DNAH3: variants seen among roughly 807,000 people sequenced by gnomAD.
The protein encoded by DNAH3 is axonemal beta dynein heavy chain 3.
Under a neutral mutation model 432.5 loss-of-function variants are expected in DNAH3, and 332 were observed. The observed-to-expected ratio is 0.77, with a 90% CI of 0.70 to 0.84. The LOEUF (loss-of-function observed/expected upper bound fraction) is 0.84. Among genes scored for constraint, DNAH3 ranks in the 40% least tolerant of loss-of-function variants. The pLI is 0.00. For missense variants in DNAH3, 4,861 were observed against 5,114.0 expected, an observed-to-expected ratio of 0.95 and a Z score of 1.51; for synonymous variants, 1,956 against 1,900.2, an observed-to-expected ratio of 1.03 and a Z score of -0.76.
At chr16:21,105,488 A>G (rs4783522) in intron 15 of DNAH3, among the ~76,000 whole-genome samples, 42,741 of 152,164 alleles carry the variant, frequency 0.28, 6,132 homozygotes, top group African/African-American at 0.33. Context: ...ATGGGCGGCC[A>G]GGGGCTGTGG....
At chr16:20,999,515 T>C (rs1395251653) in intron 43 of DNAH3, among the ~76,000 whole-genome samples, 1 of 152,184 alleles carries the variant, frequency 6.6e-6, no homozygotes, top group Admixed American at 6.5e-5. Context: ...GGGGCATTAC[T>C]ATTGCTAGAT....
At chr16:21,043,954 C>T (rs1357957811) in intron 31 of DNAH3, among the ~76,000 whole-genome samples, 2 of 82,602 alleles carry the variant, frequency 2.4e-5, no homozygotes. Flanking sequence ...GCTTGTTTTT[C>T]TCAGGTTTGT....
At chr16:20,951,558 C>T (rs922217476) in intron 56 of DNAH3, among the ~76,000 whole-genome samples, 7 of 151,646 alleles carry the variant, frequency 4.6e-5, no homozygotes, top group East Asian at 1.9e-4. Context: ...ATCCTCCCAC[C>T]TTAGTCCCCT....
chr16:20,997,835 T>TAAA lies in DNAH3; in HGVS notation c.6422-376_6422-374dup, dbSNP rs765854199. Among the ~76,000 whole-genome samples the TAAA allele has an allele frequency of 3.7e-3, 275 of 74,540 alleles. 3 individuals are homozygous for TAAA. The highest frequency in any genetic ancestry group is 8.5e-3 in the East Asian group (19 of 2,240). 48.9% of individuals were successfully genotyped at this position (74,540 alleles called of 152,430 possible). A position where few individuals can be genotyped will look rare whatever the true frequency, so the allele number is the denominator to read the frequency against. On this transcript the variant is annotated intron_variant, in intron 43 of 61. Transcript: ENST00000261383. Reference sequence around the variant, plus strand: ...GCAACATGGCGAAACCCTGTCTCCATAAAAAAAAAAAAAAAAAAAAAAAAT... The same window carrying TAAA: ...GCAACATGGCGAAACCCTGTCTCCATAAAAAAAAAAAAAAAAAAAAAAAAAAAT...
chr16:21,058,284 C>T, intron 26 of DNAH3, 88 bp from the exon 27 acceptor site: 2 of 710,430 alleles, frequency 2.8e-6, no homozygotes, highest in East Asian at 2.8e-5. Context: ...CACCTCACCA[C>T]CGCAACAAAA....
intron 20 of DNAH3, among the ~76,000 whole-genome samples, chr16:21,080,165 C>T (rs1410007390): frequency 1.3e-5 from 2 of 152,264 alleles, no homozygotes; most frequent in South Asian, 2.1e-4. Flanking sequence ...GGCATGGTGG[C>T]GGGCACCTGT....
intron 19 of DNAH3, among the ~76,000 whole-genome samples, chr16:21,083,861 C>T (rs988507352): frequency 5.9e-5 from 9 of 152,090 alleles, no homozygotes; most frequent in African/African-American, 1.2e-4. Context: ...AGGGGCAGTC[C>T]GGAGAGTATC....
chr16:21,008,869 C>T (rs1345365892), intron 41 of DNAH3, among the ~76,000 whole-genome samples: 1 of 152,162 alleles, frequency 6.6e-6, no homozygotes, highest in African/African-American at 2.4e-5. Context: ...AGTTGTAATT[C>T]ATTCTTTGGT....
chr16:21,040,078 G>T (rs1277012663), intron 32 of DNAH3, 135 bp from the exon 33 acceptor site: 2 of 749,842 alleles, frequency 2.7e-6, no homozygotes, highest in Non-Finnish European at 4.5e-6. Flanking sequence ...GAAGGACTGG[G>T]GGACAAGTGA....
chr16:21,143,229 T>C (rs1375499165), intron 3 of DNAH3, among the ~76,000 whole-genome samples: 1 of 152,202 alleles, frequency 6.6e-6, no homozygotes, highest in Non-Finnish European at 1.5e-5. Flanking sequence ...AAAGCTAATG[T>C]CTTGTCAAAA....
Position 20,965,445 on chromosome 16 carries a change from G to C in DNAH3, c.8459-20C>G. ...TCTTACCTATTTGGAACAAGAAACAGAGATAATGTGTTAAGACATTCTGGC... is the reference window on the plus strand; with the variant it reads ...TCTTACCTATTTGGAACAAGAAACACAGATAATGTGTTAAGACATTCTGGC... On this transcript the variant is annotated intron_variant, in intron 52 of 61. Coordinates refer to ENST00000261383, the Ensembl canonical transcript of DNAH3. The C allele has an allele frequency of 6.7e-7, 1 of 1,499,082 alleles. No homozygotes were observed. The highest frequency in any genetic ancestry group is 8.9e-7 in the Non-Finnish European group (1 of 1,122,100). The allele number at this position is 1,499,082 out of a possible 1,614,324, so 92.9% of individuals were successfully genotyped here.
intron 11 of DNAH3, among the ~76,000 whole-genome samples, chr16:21,119,225 C>T (rs1412112793): frequency 6.6e-6 from 1 of 152,166 alleles, no homozygotes; most frequent in East Asian, 1.9e-4. Context: ...GATAATGGAT[C>T]GTCTCATGGG....
chr16:20,957,425 A>G (rs1432235785), intron 54 of DNAH3, among the ~76,000 whole-genome samples: 1 of 151,914 alleles, frequency 6.6e-6, no homozygotes, highest in East Asian at 1.9e-4. Context: ...TCTTCCCCAC[A>G]CTGTTTAGTT....
At chr16:20,975,237 A>C in exon 51 of DNAH3, 1 of 1,613,118 alleles carries the variant, frequency 6.2e-7, no homozygotes, top group Non-Finnish European at 8.5e-7. Flanking sequence ...TTCTACCTTG[A>C]TTCCTTGGGC....
intron 55 of DNAH3, among the ~76,000 whole-genome samples, chr16:20,954,351 T>C (rs1044356488): frequency 6.7e-6 from 1 of 148,756 alleles, no homozygotes; most frequent in Non-Finnish European, 1.5e-5. Context: ...AGTGTGGTGG[T>C]GTGATATGGG....
At chr16:21,136,133 G>A (rs190592167) in intron 6 of DNAH3, among the ~76,000 whole-genome samples, 191 bp downstream of exon 7, 1 of 152,182 alleles carries the variant, frequency 6.6e-6, no homozygotes, top group East Asian at 1.9e-4. Flanking sequence ...TGCCTTCCAG[G>A]CCAGGCATGG....
At chr16:21,142,654 C>CTT (rs11336320) in intron 3 of DNAH3, among the ~76,000 whole-genome samples, 7 of 136,366 alleles carry the variant, frequency 5.1e-5, no homozygotes, top group African/African-American at 1.4e-4. Context: ...TACAAAAATC[C>CTT]TTTTTTTTTT....
At chr16:21,130,880 G>C (rs1251194332) in intron 7 of DNAH3, among the ~76,000 whole-genome samples, 2 of 152,016 alleles carry the variant, frequency 1.3e-5, no homozygotes, top group African/African-American at 4.8e-5. Context: ...TTCCTCACTA[G>C]TTTCTATGTT....
intron 35 of DNAH3, 74 bp downstream of exon 35, chr16:21,036,640 C>T (rs749140376): frequency 6.4e-5 from 89 of 1,391,746 alleles, no homozygotes; most frequent in Non-Finnish European, 8.0e-5. Flanking sequence ...GTTCCAATCT[C>T]CTATAAGACT....
Sources: gnomAD v4.1 joint callset for allele counts (sites outside exome capture counted in the v4.1 genomes callset) on GRCh38, gnomAD v4.1.1 for gene constraint, MANE v1.5 for transcripts, NCBI Gene and HGNC (gene_info 2026-07-23, HGNC 2026-07-21) for gene names.